Variants in MND1 observed in about 807,000 individuals in gnomAD.
MND1 encodes meiotic nuclear divisions 1.
MND1 carries 28 observed loss-of-function variants against 35.1 expected under a neutral mutation model. The observed-to-expected ratio is 0.80, with a 90% CI of 0.59 to 1.09. The LOEUF (loss-of-function observed/expected upper bound fraction) is 1.09. Ranked by LOEUF, MND1 falls within the 50% of genes least tolerant of loss-of-function variation. MND1 has a pLI of 0.00. For missense variants in MND1, 213 were observed against 239.6 expected (o/e 0.89, Z 0.73); for synonymous variants, 69 against 70.5 (o/e 0.98, Z 0.11).
At chr4:153,412,790 TC>T (rs1241727946) in intron 7 of MND1, among the ~76,000 whole-genome samples, 1 of 148,384 alleles carries the variant, frequency 6.7e-6, no homozygotes, top group Non-Finnish European at 1.5e-5. Flanking sequence ...AACCAGCCAA[TC>T]CTTTTCTTCT....
chr4:153,414,777 G>A lies in MND1; in HGVS notation c.538G>A (p.Ala180Thr). The A allele has an allele frequency of 6.5e-7, 1 of 1,541,170 alleles. No individual in the cohort carries two copies. The highest frequency in any genetic ancestry group is 8.8e-7 in the Non-Finnish European group (1 of 1,137,090). ...TDNIFAIKSW[A>T]KRKFGFEENK... ...TAACATATTCGCAATAAAATCTTGGGCCAAAAGAAAATTTGGGTTTGAAGA... is the reference window on the plus strand; with the variant it reads ...TAACATATTCGCAATAAAATCTTGGACCAAAAGAAAATTTGGGTTTGAAGA... Residue 180 changes from alanine (A) to threonine (T), a missense_variant, in exon 8 of 8, where the codon GCC becomes ACC. Ala to Thr is a moderately conservative substitution (Grantham distance 58). Coordinates refer to ENST00000240488, the MANE Select transcript of MND1 (RefSeq NM_032117.4).
intron 7 of MND1, among the ~76,000 whole-genome samples, chr4:153,410,919 A>T (rs567319789): frequency 3.3e-5 from 5 of 152,306 alleles, no homozygotes; most frequent in Non-Finnish European, 7.3e-5. Context: ...TGAACCCAGG[A>T]GGCGGAGGTT....
chr4:153,388,827 G>C (rs1056167454), intron 4 of MND1, among the ~76,000 whole-genome samples: 101 of 152,254 alleles, frequency 6.6e-4, no homozygotes, highest in Non-Finnish European at 4.4e-4. Flanking sequence ...CTTCCAAGAA[G>C]AACAAGAATA....
At chr4:153,403,857 T>C (rs978569620) in intron 6 of MND1, among the ~76,000 whole-genome samples, 1 of 151,724 alleles carries the variant, frequency 6.6e-6, no homozygotes, top group African/African-American at 2.4e-5. Flanking sequence ...CCTCAACCTC[T>C]TGGGCTCAAG....
At chr4:153,352,918 T>G (rs1284927590) in intron 2 of MND1, among the ~76,000 whole-genome samples, 1 of 152,178 alleles carries the variant, frequency 6.6e-6, no homozygotes, top group Admixed American at 6.5e-5. Context: ...TCTGTCCACT[T>G]CAATGACCGC....
intron 6 of MND1, among the ~76,000 whole-genome samples, chr4:153,402,203 A>G (rs558235083): frequency 6.6e-6 from 1 of 152,360 alleles, no homozygotes; most frequent in East Asian, 1.9e-4. Flanking sequence ...GATATTTAAA[A>G]GCAACAATTC....
chr4:153,345,434 G>A, intron 1 of MND1: 1 of 985,480 alleles, frequency 1.0e-6, no homozygotes. Context: ...GGTTGTGTAG[G>A]GCGCTGTTGC....
At chr4:153,364,275 G>C (rs1773569362) in intron 4 of MND1, among the ~76,000 whole-genome samples, 2 of 151,890 alleles carry the variant, frequency 1.3e-5, no homozygotes, top group African/African-American at 4.8e-5. Flanking sequence ...CAGCTACTTG[G>C]GGGGCCTGAG....
chr4:153,413,761 A>C (rs528011776), intron 7 of MND1, among the ~76,000 whole-genome samples: 3 of 151,768 alleles, frequency 2.0e-5, no homozygotes, highest in African/African-American at 7.3e-5. Flanking sequence ...GCACACTGTC[A>C]CGGTCCTGCC....
chr4:153,392,652 A>C lies in MND1; in HGVS notation c.277-1610A>C, dbSNP rs115203849. ...CCAGGTGAGATTAATAAAATTGAGA[A>C]AAGAAGCCAACACTCTGAAATTAAC... On this transcript the variant is annotated intron_variant, in intron 4 of 7. Coordinates refer to ENST00000240488, the MANE Select transcript of MND1 (RefSeq NM_032117.4). Among the ~76,000 whole-genome samples the C allele has an allele frequency of 5.6e-3, 849 of 152,276 alleles. 6 individuals carry two copies. The highest frequency in any genetic ancestry group is 0.019 in the African/African-American group (794 of 41,556).
intron 1 of MND1, among the ~76,000 whole-genome samples, chr4:153,348,897 CT>C (rs1454876571): frequency 6.6e-6 from 1 of 152,206 alleles, no homozygotes; most frequent in East Asian, 1.9e-4. Context: ...CTTGTCTTCA[CT>C]TATGTAAACT....
chr4:153,370,010 G>A (rs1403038733), intron 4 of MND1, among the ~76,000 whole-genome samples: 3 of 151,990 alleles, frequency 2.0e-5, no homozygotes, highest in Non-Finnish European at 2.9e-5. Flanking sequence ...GACCAGGCTC[G>A]GTGGCTCAGT....
chr4:153,387,731 C>A (rs1218822713), intron 4 of MND1, among the ~76,000 whole-genome samples: 1 of 151,964 alleles, frequency 6.6e-6, no homozygotes, highest in Non-Finnish European at 1.5e-5. Context: ...GCCTGGGTGA[C>A]AGAACGAGAC....
At chr4:153,378,271 A>AT (rs529816107) in intron 4 of MND1, among the ~76,000 whole-genome samples, 267 of 152,092 alleles carry the variant, frequency 1.8e-3, no homozygotes, top group Non-Finnish European at 2.8e-3. Context: ...AGTAATCTTG[A>AT]TTTTTTTTCT....
In MND1 at chr4:153,402,676, G is replaced by A. The variant is rs567325957; in HGVS notation, c.466+5343G>A. On this transcript the variant is annotated intron_variant, in intron 6 of 7. Coordinates refer to ENST00000240488, the MANE Select transcript of MND1 (RefSeq NM_032117.4). Reference sequence around the variant, plus strand: ...AAGAATTGTCATTATTTACATGTTTGGTGGTTCCCTGGAGGACACCAATAG... The same window carrying A: ...AAGAATTGTCATTATTTACATGTTTAGTGGTTCCCTGGAGGACACCAATAG... Among the ~76,000 whole-genome samples the A allele has an allele frequency of 7.2e-4, 109 of 152,256 alleles. No homozygotes were observed. The South Asian group carries it at 0.022, about 30-fold the overall frequency.
chr4:153,404,769 A>C (rs186745501), intron 6 of MND1, among the ~76,000 whole-genome samples: 6 of 152,228 alleles, frequency 3.9e-5, no homozygotes, highest in Admixed American at 3.9e-4. Context: ...ATGAGCCACC[A>C]CACCTGGCCC....
rs1773167050 is a variant in MND1 at position 153,349,847 on chromosome 4, AT to A, written c.4-216del. ...TTTATAAATGCTGAATTTCTACAAA[AT>A]GCCAGGCTCTGCCTCAATTTACAGT... On this transcript the variant is annotated intron_variant, in intron 1 of 7. Coordinates refer to ENST00000240488, the MANE Select transcript of MND1 (RefSeq NM_032117.4). Among the ~76,000 whole-genome samples the A allele has an allele frequency of 2.0e-5, 3 of 152,354 alleles. No individual in the cohort carries two copies. In the South Asian group the frequency reaches 6.2e-4, roughly 32 times the overall value.
At chr4:153,409,813 A>G (rs139563396) in intron 7 of MND1, among the ~76,000 whole-genome samples, 80 of 152,070 alleles carry the variant, frequency 5.3e-4, no homozygotes, top group African/African-American at 1.9e-3. Context: ...GTTATTTCTT[A>G]AGTAAGGTAA....
intron 5 of MND1, among the ~76,000 whole-genome samples, chr4:153,396,896 T>C (rs1311062197): frequency 6.8e-6 from 1 of 146,084 alleles, no homozygotes; most frequent in African/African-American, 2.5e-5. Context: ...AGTAGTATAA[T>C]TTTTTTCTGT....
Sources: gnomAD v4.1 joint callset for allele counts (sites outside exome capture counted in the v4.1 genomes callset) on GRCh38, gnomAD v4.1.1 for gene constraint, MANE v1.5 for transcripts, NCBI Gene and HGNC (gene_info 2026-07-23, HGNC 2026-07-21) for gene names.